The following MPHOSPH6 variants were observed in gnomAD, a reference collection of about 807,000 sequenced individuals.
The protein encoded by MPHOSPH6 is M-phase phosphoprotein 6.
MPHOSPH6 carries 25 observed loss-of-function variants against 21.8 expected under a neutral mutation model. The ratio of observed to expected loss-of-function variants is 1.15; its 90% CI spans 0.83 to 1.60. MPHOSPH6 has a LOEUF of 1.60. Among genes scored for constraint, MPHOSPH6 ranks in the 40% most tolerant of loss-of-function variants. The probability of loss-of-function intolerance (pLI) is 0.00; values close to 1 mark genes in which losing one functional copy is unlikely to be tolerated. For missense variants in MPHOSPH6, 269 were observed against 181.8 expected (o/e 1.48, Z -2.76); for synonymous variants, 84 against 56.5 (o/e 1.49, Z -2.18).
At chr16:82,149,771 C>T (rs1294467195) in intron 3 of MPHOSPH6, among the ~76,000 whole-genome samples, 1 of 151,926 alleles carries the variant, frequency 6.6e-6, no homozygotes. Flanking sequence ...CATCTTTAAG[C>T]CATATGGAAG....
At chr16:82,161,269 T>C (rs1430149461) in intron 2 of MPHOSPH6, among the ~76,000 whole-genome samples, 1 of 152,184 alleles carries the variant, frequency 6.6e-6, no homozygotes, top group Non-Finnish European at 1.5e-5. Context: ...GGAAAGGCTA[T>C]TGTCCCTCCC....
At chr16:82,165,892 A>C (rs1906762758) in intron 1 of MPHOSPH6, among the ~76,000 whole-genome samples, 2 of 152,218 alleles carry the variant, frequency 1.3e-5, no homozygotes, top group Non-Finnish European at 2.9e-5. Flanking sequence ...TAAGTAACAC[A>C]TGATGGTGAT....
intron 2 of MPHOSPH6, among the ~76,000 whole-genome samples, chr16:82,154,487 AAAC>A (rs1906367189): frequency 6.6e-6 from 1 of 152,200 alleles, no homozygotes; most frequent in Non-Finnish European, 1.5e-5. Flanking sequence ...GAAAGAAAGA[AAAC>A]AACTGAAAAT....
intron 3 of MPHOSPH6, 109 bp downstream of exon 3, chr16:82,151,315 T>C (rs767152729): frequency 3.5e-6 from 5 of 1,439,162 alleles, no homozygotes; most frequent in African/African-American, 2.8e-5. Context: ...TGTTATTTTC[T>C]ATATAATGAG....
At chr16:82,160,970 C>CAGA (rs34791229) in intron 2 of MPHOSPH6, among the ~76,000 whole-genome samples, 114,521 of 149,190 alleles carry the variant, frequency 0.77, 43,361 homozygotes, top group East Asian at 0.83. Flanking sequence ...ATCCTTATCT[C>CAGA]AGAAGAAGGG....
At chr16:82,169,360 T>A (rs1357395518) in intron 1 of MPHOSPH6, among the ~76,000 whole-genome samples, 1 of 152,190 alleles carries the variant, frequency 6.6e-6, no homozygotes, top group Admixed American at 6.5e-5. Context: ...TCTCCTAGTT[T>A]AGGACGCTGT....
chr16:82,152,473 G>C (rs777583720), intron 2 of MPHOSPH6, among the ~76,000 whole-genome samples: 2 of 152,262 alleles, frequency 1.3e-5, no homozygotes, highest in African/African-American at 4.8e-5. Flanking sequence ...CATTTCCAAG[G>C]GGGACTGGTT....
rs977907145 is a variant in MPHOSPH6, at chr16:82,148,460, T to C, written c.*271A>G. The C allele has an allele frequency of 1.9e-5, 6 of 312,110 alleles. No individual in the cohort carries two copies. The highest frequency in any genetic ancestry group is 2.9e-5 in the Non-Finnish European group (5 of 172,982). 19.3% of individuals were successfully genotyped at this position (312,110 alleles called of 1,614,324 possible). A position where few individuals can be genotyped will look rare whatever the true frequency, so the allele number is the denominator to read the frequency against. On this transcript the variant is annotated 3_prime_UTR_variant, in exon 5 of 5. Transcript: ENST00000258169. Reference sequence around the variant, plus strand: ...CTGGAGAACTATATTAAGAGAAACCTGAGGTAAAAAAAATCTTTAGGAAGC... The same window carrying C: ...CTGGAGAACTATATTAAGAGAAACCCGAGGTAAAAAAAATCTTTAGGAAGC...
chr16:82,164,635 C>G (rs1030157746), intron 1 of MPHOSPH6: 2 of 156,756 alleles, frequency 1.3e-5, no homozygotes, highest in African/African-American at 4.8e-5. Context: ...TTCCATGGCT[C>G]CCTCCAATAG....
chr16:82,154,649 G>A (rs1272759393), intron 2 of MPHOSPH6, among the ~76,000 whole-genome samples: 1 of 151,502 alleles, frequency 6.6e-6, no homozygotes, highest in Non-Finnish European at 1.5e-5. Context: ...ATATAATTAA[G>A]GGAAAAAACA....
chr16:82,156,351 A>G (rs1906428091), intron 2 of MPHOSPH6, among the ~76,000 whole-genome samples: 1 of 152,218 alleles, frequency 6.6e-6, no homozygotes, highest in Non-Finnish European at 1.5e-5. Context: ...TCTGCAACTT[A>G]CTGCATCAAA....
chr16:82,168,093 G>A (rs1013519597), intron 1 of MPHOSPH6, among the ~76,000 whole-genome samples: 6 of 151,224 alleles, frequency 4.0e-5, no homozygotes, highest in Non-Finnish European at 7.4e-5. Context: ...TGCTTCCAAC[G>A]TCCAGTTGAG....
At chr16:82,158,095 T>C (rs1340966553) in intron 2 of MPHOSPH6, among the ~76,000 whole-genome samples, 1 of 152,178 alleles carries the variant, frequency 6.6e-6, no homozygotes, top group Admixed American at 6.5e-5. Context: ...AGTTTCACAT[T>C]AGAATGTTCT....
intron 1 of MPHOSPH6, among the ~76,000 whole-genome samples, chr16:82,165,908 C>T (rs1390845898): frequency 6.6e-6 from 1 of 152,152 alleles, no homozygotes; most frequent in Non-Finnish European, 1.5e-5. Flanking sequence ...GTGATAACAT[C>T]AAGTGCTGAA....
At chr16:82,154,000 T>G (rs112083774) in intron 2 of MPHOSPH6, among the ~76,000 whole-genome samples, 2,963 of 152,300 alleles carry the variant, frequency 0.019, 55 homozygotes, top group South Asian at 0.074. Context: ...ATCTCTCATC[T>G]AAAGATCTGT....
At chr16:82,166,822 C>A (rs769218628) in intron 1 of MPHOSPH6, among the ~76,000 whole-genome samples, 3 of 152,094 alleles carry the variant, frequency 2.0e-5, no homozygotes, top group Non-Finnish European at 4.4e-5. Flanking sequence ...TAGTCATGTA[C>A]CTATTCTTTT....
chr16:82,154,121 C>T (rs145440830), intron 2 of MPHOSPH6, among the ~76,000 whole-genome samples: 5 of 152,248 alleles, frequency 3.3e-5, no homozygotes, highest in African/African-American at 1.2e-4. Context: ...GCCTACCATA[C>T]CTGGGGAAAA....
chr16:82,165,774 G>A (rs957457287), intron 1 of MPHOSPH6, among the ~76,000 whole-genome samples: 2 of 26,202 alleles, frequency 7.6e-5, no homozygotes, highest in Non-Finnish European at 3.5e-4. Flanking sequence ...GTGTGTGGTA[G>A]GCTATACCAT....
intron 1 of MPHOSPH6, chr16:82,164,784 G>C (rs936779825): frequency 6.6e-6 from 1 of 152,296 alleles, no homozygotes; most frequent in African/African-American, 2.4e-5. Context: ...CAGAAGCAAA[G>C]GTACATCTAT....
Sources: allele counts gnomAD v4.1 joint callset (sites outside exome capture counted in the v4.1 genomes callset), GRCh38; gene constraint gnomAD v4.1.1; transcripts MANE v1.5; gene names NCBI Gene and HGNC (gene_info 2026-07-23, HGNC 2026-07-21).